TENM2: variants seen among roughly 807,000 people sequenced by gnomAD.
TENM2 encodes teneurin-2.
Under a neutral mutation model 245.2 loss-of-function variants are expected in TENM2, and 52 were observed. That is an observed-to-expected ratio of 0.21 (90% CI 0.17 to 0.27). The LOEUF is 0.27. Ranked by LOEUF, TENM2 falls within the 10% of genes least tolerant of loss-of-function variation. TENM2 has a pLI of 1.00. For synonymous variants in TENM2, 1,363 were observed against 1,438.9 expected (o/e 0.95, Z 1.19); for missense variants, 3,046 against 3,666.8 (o/e 0.83, Z 4.37).
chr5:167,559,597 G>C (rs1471275190), intron 2 of TENM2, among the ~76,000 whole-genome samples: 2 of 151,936 alleles, frequency 1.3e-5, no homozygotes, highest in Admixed American at 1.3e-4. Flanking sequence ...TTTGTTCTTG[G>C]CCTCCCACCT....
At chr5:167,217,906 T>C in the TENM2 span, among the ~76,000 whole-genome samples, 3 of 150,776 alleles carry the variant, frequency 2.0e-5, no homozygotes, top group Non-Finnish European at 3.0e-5. Flanking sequence ...GTCCCCTCCA[T>C]GTGATGCACA....
chr5:167,630,639 A>G (rs900839605), intron 2 of TENM2, among the ~76,000 whole-genome samples: 3 of 152,110 alleles, frequency 2.0e-5, no homozygotes, highest in Non-Finnish European at 4.4e-5. Flanking sequence ...ATGACTGTTG[A>G]TCTCAAAAAA....
At chr5:167,914,563 TC>T (rs1776783718) in intron 3 of TENM2, among the ~76,000 whole-genome samples, 1 of 152,140 alleles carries the variant, frequency 6.6e-6, no homozygotes, top group African/African-American at 2.4e-5. Flanking sequence ...CAACCTTCAT[TC>T]CCCCTGGCCA....
the TENM2 span, among the ~76,000 whole-genome samples, chr5:167,041,470 T>A: frequency 6.6e-6 from 1 of 152,154 alleles, no homozygotes; most frequent in Non-Finnish European, 1.5e-5. Context: ...ATGAGCACCA[T>A]TCGTCTTCAC....
the TENM2 span, among the ~76,000 whole-genome samples, chr5:167,198,929 G>A: frequency 7.1e-4 from 108 of 151,986 alleles, no homozygotes; most frequent in African/African-American, 2.6e-3. Flanking sequence ...CCCCTGGTGA[G>A]CCGTGCTTGG....
chr5:167,771,501 G>A (rs1381212164), intron 2 of TENM2, among the ~76,000 whole-genome samples: 1 of 152,158 alleles, frequency 6.6e-6, no homozygotes. Flanking sequence ...AAGAAGAGTA[G>A]GGTTTTGTTT....
the TENM2 span, among the ~76,000 whole-genome samples, chr5:167,044,026 T>TAGGAAGAA: frequency 4.5e-3 from 324 of 71,990 alleles, 2 homozygotes; most frequent in Non-Finnish European, 7.6e-3. Flanking sequence ...CTCAAATAAA[T>TAGGAAGAA]AGTAAGGACA....
At chr5:168,048,927 CT>C (rs1350001930) in intron 6 of TENM2, among the ~76,000 whole-genome samples, 1 of 152,154 alleles carries the variant, frequency 6.6e-6, no homozygotes, top group Non-Finnish European at 1.5e-5. Flanking sequence ...AGACCTAAAA[CT>C]GAAAAGTATA....
At chr5:167,502,525 AG>A (rs1203131733) in intron 2 of TENM2, among the ~76,000 whole-genome samples, 3 of 152,160 alleles carry the variant, frequency 2.0e-5, no homozygotes, top group Non-Finnish European at 4.4e-5. Context: ...AATATAGAAA[AG>A]CTTGGTTATT....
At chr5:167,992,520 C>G (rs1293985810) in intron 4 of TENM2, among the ~76,000 whole-genome samples, 2 of 152,114 alleles carry the variant, frequency 1.3e-5, no homozygotes, top group Non-Finnish European at 1.5e-5. Context: ...ACAAAATAAT[C>G]TGTACATCAA....
chr5:167,564,099 G>A (rs981833231), intron 2 of TENM2, among the ~76,000 whole-genome samples: 4 of 152,198 alleles, frequency 2.6e-5, no homozygotes, highest in East Asian at 3.8e-4. Context: ...CTGAGAAAGC[G>A]AGTCAGACAG....
chr5:167,105,873 G>A, the TENM2 span, among the ~76,000 whole-genome samples: 1 of 98,980 alleles, frequency 1.0e-5, no homozygotes, highest in East Asian at 3.3e-4. Flanking sequence ...GGGCGACAGA[G>A]CGAGACTCCG....
intron 2 of TENM2, among the ~76,000 whole-genome samples, chr5:167,691,420 C>A (rs1457840541): frequency 6.6e-6 from 1 of 152,138 alleles, no homozygotes; most frequent in East Asian, 1.9e-4. Context: ...AGGAAGTAGA[C>A]AGAGCTCGAT....
chr5:167,468,948 AT>A (rs1196768602), intron 2 of TENM2, among the ~76,000 whole-genome samples: 1 of 152,186 alleles, frequency 6.6e-6, no homozygotes, highest in Non-Finnish European at 1.5e-5. Flanking sequence ...CCATGTTCAA[AT>A]GATGCCACTT....
rs1257755019 is a variant in TENM2, at chr5:167,897,283, A to C, written c.712+21088A>C. Among the ~76,000 whole-genome samples the C allele has an allele frequency of 2.9e-5, 3 of 104,566 alleles. No individual in the cohort carries two copies. In the East Asian group the frequency reaches 1.1e-3, roughly 40 times the overall value. 68.6% of individuals were successfully genotyped at this position (104,566 alleles called of 152,430 possible). ...AAGTCTCATTTGTGCCATTAGCTGA[A>C]CTGGTACCTTTTTTTTTTCCCTCCT... On this transcript the variant is annotated intron_variant, in intron 3 of 28. Transcript: ENST00000518659.
chr5:167,955,562 T>C (rs1356850361), intron 4 of TENM2, among the ~76,000 whole-genome samples: 1 of 152,236 alleles, frequency 6.6e-6, no homozygotes, highest in African/African-American at 2.4e-5. Flanking sequence ...TCCTGAATGG[T>C]ATTGCCTAGG....
intron 2 of TENM2, among the ~76,000 whole-genome samples, chr5:167,860,226 G>A (rs1583210146): frequency 1.5e-5 from 2 of 133,746 alleles, no homozygotes; most frequent in East Asian, 2.5e-4. Flanking sequence ...CGCCCCGTCC[G>A]GGAGGGAGGT....
At chr5:167,726,412 G>T (rs1032444659) in intron 2 of TENM2, among the ~76,000 whole-genome samples, 1 of 152,106 alleles carries the variant, frequency 6.6e-6, no homozygotes, top group Non-Finnish European at 1.5e-5. Flanking sequence ...CATGTGAATA[G>T]GCGAGGCCCC....
In TENM2 at chr5:167,540,587, A is replaced by G. The variant is rs962126180; in HGVS notation, c.502+165114A>G. ...GTTGAGCAGTTGCGACAGAGACCAT[A>G]TGGACCACAAAGTCTAAAATATTTA... On this transcript the variant is annotated intron_variant, in intron 2 of 28. Transcript: ENST00000518659. 1.1e-4 allele frequency among the ~76,000 whole-genome samples: 16 copies of G among 152,302 alleles called. No homozygotes were observed. The South Asian group carries it at 1.5e-3, about 14-fold the overall frequency.
Sources: allele counts gnomAD v4.1 joint callset (sites outside exome capture counted in the v4.1 genomes callset), GRCh38; gene constraint gnomAD v4.1.1; transcripts MANE v1.5; gene names NCBI Gene and HGNC (gene_info 2026-07-23, HGNC 2026-07-21).